CNTNAP5: variants seen among roughly 807,000 people sequenced by gnomAD.
CNTNAP5 encodes the protein contactin-associated protein-like 5.
A neutral mutation model predicts 150.2 loss-of-function variants in CNTNAP5; 72 were observed. The ratio of observed to expected loss-of-function variants is 0.48; its 90% confidence interval spans 0.40 to 0.58. The LOEUF is 0.58. Among genes scored for constraint, CNTNAP5 ranks in the 20% least tolerant of loss-of-function variants. The pLI is 0.00. For missense variants in CNTNAP5, 1,636 were observed against 1,626.2 expected, an observed-to-expected ratio of 1.01 and a Z score of -0.10; for synonymous variants, 672 against 619.8, an observed-to-expected ratio of 1.08 and a Z score of -1.25.
intron 19 of CNTNAP5, among the ~76,000 whole-genome samples, chr2:124,811,706 C>CGGT (rs1553445019): frequency 1.5e-5 from 2 of 136,580 alleles, no homozygotes; most frequent in African/African-American, 5.8e-5. Context: ...CTTTAGGAGG[C>CGGT]GGGGGGGGTG....
chr2:124,428,961 C>T (rs1382582571), intron 4 of CNTNAP5, among the ~76,000 whole-genome samples: 1 of 152,164 alleles, frequency 6.6e-6, no homozygotes, highest in African/African-American at 2.4e-5. Context: ...CTCCTTTCTA[C>T]ACACTTTCTT....
intron 19 of CNTNAP5, among the ~76,000 whole-genome samples, chr2:124,799,415 G>A (rs569701801): frequency 6.6e-6 from 1 of 152,182 alleles, no homozygotes; most frequent in Non-Finnish European, 1.5e-5. Flanking sequence ...AACTTATGGG[G>A]TAGAACATAC....
At chr2:124,500,233 C>T (rs544318255) in intron 7 of CNTNAP5, among the ~76,000 whole-genome samples, 54 of 152,230 alleles carry the variant, frequency 3.5e-4, no homozygotes, top group African/African-American at 1.3e-3. Context: ...ATCCGGGCAC[C>T]TCATGGCACA....
chr2:124,501,025 C>A (rs1249530732), intron 7 of CNTNAP5, among the ~76,000 whole-genome samples: 2 of 152,032 alleles, frequency 1.3e-5, no homozygotes, highest in East Asian at 3.9e-4. Flanking sequence ...GACTGACTTC[C>A]TTTTTGGACA....
intron 11 of CNTNAP5, among the ~76,000 whole-genome samples, chr2:124,567,226 T>A (rs1437753451): frequency 1.3e-5 from 2 of 152,082 alleles, no homozygotes; most frequent in East Asian, 3.9e-4. Context: ...CAATGGACTC[T>A]CTAAAAAATA....
chr2:124,361,650 G>A (rs1252498868), intron 3 of CNTNAP5, among the ~76,000 whole-genome samples: 1 of 139,684 alleles, frequency 7.2e-6, no homozygotes, highest in South Asian at 2.3e-4. Context: ...CCCACTTGAG[G>A]AGGCAGTCTG....
chr2:124,672,344 A>G (rs1396628683), intron 13 of CNTNAP5, among the ~76,000 whole-genome samples: 2 of 152,208 alleles, frequency 1.3e-5, no homozygotes, highest in African/African-American at 2.4e-5. Flanking sequence ...GAAATTCAAT[A>G]TATGAATTTA....
intron 1 of CNTNAP5, among the ~76,000 whole-genome samples, chr2:124,193,981 G>C (rs1162566841): frequency 1.3e-5 from 2 of 152,032 alleles, no homozygotes; most frequent in Non-Finnish European, 2.9e-5. Context: ...CTGTCCACCA[G>C]CTCCAGGTCA....
chr2:124,145,836 A>AAAAG (rs1553441878), intron 1 of CNTNAP5, among the ~76,000 whole-genome samples: 49 of 75,824 alleles, frequency 6.5e-4, no homozygotes, highest in Non-Finnish European at 9.1e-4. Context: ...AAAGAAGAAA[A>AAAAG]AAAAAAAAAA....
chr2:124,033,424 G>A (rs546826718), intron 1 of CNTNAP5, among the ~76,000 whole-genome samples: 2 of 152,240 alleles, frequency 1.3e-5, no homozygotes, highest in African/African-American at 4.8e-5. Context: ...GGTGGGTTCA[G>A]TTGTATCTCT....
At chr2:124,132,509 G>A (rs1029670368) in intron 1 of CNTNAP5, among the ~76,000 whole-genome samples, 3 of 152,038 alleles carry the variant, frequency 2.0e-5, no homozygotes, top group African/African-American at 7.3e-5. Flanking sequence ...GAATAATTTT[G>A]TGAGACAACG....
At chr2:124,038,207 G>A (rs1681276892) in intron 1 of CNTNAP5, among the ~76,000 whole-genome samples, 1 of 152,198 alleles carries the variant, frequency 6.6e-6, no homozygotes, top group South Asian at 2.1e-4. Flanking sequence ...TGGTAGGCAA[G>A]GACCAGTGCT....
At chr2:124,498,027 T>A (rs1454162987) in intron 7 of CNTNAP5, among the ~76,000 whole-genome samples, 1 of 152,212 alleles carries the variant, frequency 6.6e-6, no homozygotes, top group East Asian at 1.9e-4. Flanking sequence ...CATGAGATGA[T>A]CATGGTAATT....
chr2:124,255,055 G>C (rs1687273369), intron 3 of CNTNAP5, among the ~76,000 whole-genome samples: 1 of 152,128 alleles, frequency 6.6e-6, no homozygotes, highest in African/African-American at 2.4e-5. Context: ...GGTTAGCAAG[G>C]AGAGGTCAGG....
intron 1 of CNTNAP5, among the ~76,000 whole-genome samples, chr2:124,113,687 AAT>A (rs1683356532): frequency 6.6e-6 from 1 of 151,936 alleles, no homozygotes; most frequent in South Asian, 2.1e-4. Context: ...CTAATTCAGC[AAT>A]GTTTTTCCTT....
chr2:124,286,904 G>GT (rs1688167844), intron 3 of CNTNAP5, among the ~76,000 whole-genome samples: 2 of 152,308 alleles, frequency 1.3e-5, no homozygotes, highest in African/African-American at 4.8e-5. Flanking sequence ...ATGTAAAGAA[G>GT]TCGAGGTCAC....
At chr2:124,536,618 C>G (rs1695237064) in intron 10 of CNTNAP5, among the ~76,000 whole-genome samples, 1 of 152,128 alleles carries the variant, frequency 6.6e-6, no homozygotes, top group Non-Finnish European at 1.5e-5. Flanking sequence ...TCAGGTTTTT[C>G]TGATTCCTCA....
At chr2:124,759,336 T>A (rs995189985) in intron 14 of CNTNAP5, among the ~76,000 whole-genome samples, 8 of 146,602 alleles carry the variant, frequency 5.5e-5, no homozygotes, top group East Asian at 2.0e-4. Flanking sequence ...TCTAGAAAAA[T>A]ATATATATAC....
intron 13 of CNTNAP5, among the ~76,000 whole-genome samples, chr2:124,669,981 A>C (rs2105055610): frequency 6.6e-6 from 1 of 152,122 alleles, no homozygotes; most frequent in African/African-American, 2.4e-5. Context: ...TTTCCTCCTG[A>C]CTTCAGTGAT....
Sources: allele counts gnomAD v4.1 joint callset (sites outside exome capture counted in the v4.1 genomes callset), GRCh38; gene constraint gnomAD v4.1.1; transcripts MANE v1.5; gene names NCBI Gene and HGNC (gene_info 2026-07-23, HGNC 2026-07-21).